The following PIEZO1 variants were observed in gnomAD, a reference collection of about 807,000 sequenced individuals.
PIEZO1 encodes the protein piezo-type mechanosensitive ion channel component 1.
PIEZO1 carries 296 observed loss-of-function variants against 297.2 expected under a neutral mutation model. The observed-to-expected ratio is 1.00, with a 90% CI of 0.91 to 1.10. The LOEUF (loss-of-function observed/expected upper bound fraction) is 1.10, where lower values mean the gene tolerates loss of function less well. Ranked by LOEUF, PIEZO1 falls within the 50% of genes least tolerant of loss-of-function variation. The pLI is 0.00. For synonymous variants in PIEZO1, 2,427 were observed against 1,507.5 expected (o/e 1.61, Z -14.13); for missense variants, 5,018 against 3,455.5 (o/e 1.45, Z -11.34).
At chr16:88,730,006 A>C (rs907033235) in intron 22 of PIEZO1, among the ~76,000 whole-genome samples, 1 of 152,272 alleles carries the variant, frequency 6.6e-6, no homozygotes, top group Admixed American at 6.5e-5. Context: ...AAGGAGGCAG[A>C]AGAAGGGGAG....
At chr16:88,732,564 C>G in intron 20 of PIEZO1, 29 bp from the exon 21 acceptor site, 1 of 1,542,878 alleles carries the variant, frequency 6.5e-7, no homozygotes, top group Non-Finnish European at 8.8e-7. Context: ...AGGGGGCAGC[C>G]GGGTACTCGC....
Position 88,716,053 on chromosome 16 carries a change from C to A in PIEZO1, c.7196G>T (p.Gly2399Val). The A allele has an allele frequency of 6.5e-7, 1 of 1,550,212 alleles. No homozygotes were observed. The highest frequency in any genetic ancestry group is 8.7e-7 in the Non-Finnish European group (1 of 1,146,892). ...CTCGATGACCCACCATTCGAGGAAG[C>A]CGGTGGCCCCCGCACCCTGCTCCCT... is the stretch of plus-strand genomic sequence containing the variant. ...LRREQGAGATGFLEWWVIELQ... is the reference protein window; with the variant it reads ...LRREQGAGATVFLEWWVIELQ... Residue 2399 changes from glycine to valine, a missense_variant, in exon 50 of 51, where the codon GGC (glycine) becomes GTC (valine). Gly to Val is a moderately radical substitution (Grantham distance 109, BLOSUM62 -3). Coordinates refer to ENST00000301015, the MANE Select transcript of PIEZO1 (RefSeq NM_001142864.4).
chr16:88,732,110 G>C lies in PIEZO1; in HGVS notation c.2992-200C>G, dbSNP rs73264800. Reference sequence around the variant, plus strand: ...CGTGCAGGGGAAACTGAGGCTCCAGGAGGTGGGCTGTACAGTAGAGCAGAT... The same window carrying C: ...CGTGCAGGGGAAACTGAGGCTCCAGCAGGTGGGCTGTACAGTAGAGCAGAT... On this transcript the variant is annotated intron_variant, in intron 21 of 50. Transcript: ENST00000301015. Among the ~76,000 whole-genome samples the C allele has an allele frequency of 0.053, 8,007 of 151,946 alleles. 692 individuals carry two copies. Among genetic ancestry groups the C allele is most frequent in the African/African-American group, 0.18 (7,541 of 41,370 alleles).
At position 88,722,616 on chromosome 16, in the gene PIEZO1, G is replaced by A. The variant is rs775013154; in HGVS notation, c.4742C>T (p.Thr1581Ile). The A allele has an allele frequency of 3.9e-6, 6 of 1,537,978 alleles. No homozygotes were observed. In the African/African-American group the frequency reaches 5.5e-5, roughly 14 times the overall value. The change falls in exon 35 of 51, where the codon ACC (threonine) becomes ATC (isoleucine). Residue 1581 changes from threonine (T) to isoleucine (I), a missense_variant. Thr to Ile is a moderately conservative substitution (Grantham distance 89). Transcript: ENST00000301015. ...SQAEATLPGPTEAPNAPSTVS... is the reference protein window; with the variant it reads ...SQAEATLPGPIEAPNAPSTVS... ...GGTGCTTGGGGCATTGGGGGCCTCG[G>A]TGGGGCCTGGCAGCGTGGCCTCGGC...
chr16:88,775,609 G>C (rs1056256029), intron 1 of PIEZO1, among the ~76,000 whole-genome samples: 1 of 151,596 alleles, frequency 6.6e-6, no homozygotes, highest in Non-Finnish European at 1.5e-5. Context: ...GGCACCTGTA[G>C]TCCTAGCTAC....
At chr16:88,731,959 A>ATGCACTGAGTCTGGGGATGGGCGGGGT in intron 21 of PIEZO1, 49 bp from the exon 22 acceptor site, 5 of 59,668 alleles carry the variant, frequency 8.4e-5, no homozygotes, top group Admixed American at 2.3e-4. Flanking sequence ...GTCTGGGGGG[A>ATGCACTGAGTCTGGGGATGGGCGGGGT]GGGACTTTCT....
rs1904286106 is a variant in PIEZO1 at position 88,722,378 on chromosome 16, G to A, written c.4795C>T (p.Pro1599Ser). Residue 1599 changes from proline to serine, a missense_variant, in exon 36 of 51, where the codon CCA becomes TCA. By Grantham distance (74) the Pro-to-Ser change is moderately conservative (BLOSUM62 -1). Coordinates refer to ENST00000301015, the MANE Select transcript of PIEZO1 (RefSeq NM_001142864.4). ...ATGTCGTCTGTCATGCTGCTGAGTG[G>A]CTCCTCCGCGCCCAGCCCACTGGGG... ...TVSSGLGAEE[P>S]LSSMTDDMGS... is the part of the protein sequence containing the mutation. The A allele has an allele frequency of 6.6e-7, 1 of 1,510,398 alleles. No homozygotes were observed. Among genetic ancestry groups the A allele is most frequent in the African/African-American group, 1.4e-5 (1 of 72,418 alleles). The allele number at this position is 1,510,398 out of a possible 1,614,324, so 93.6% of individuals were successfully genotyped here. A position where few individuals can be genotyped will look rare whatever the true frequency, so the allele number is the denominator to read the frequency against.
rs776838552 is a variant in PIEZO1, at chr16:88,738,705, G to A, written c.497C>T (p.Pro166Leu). ...TGCTGCTTCCTGCAGCCCTGCCGTC[G>A]GGCTGGCATCCACATCCCTCTCATC... ...DDDERDVDAS[P>L]TAGLQEAATL... Residue 166 changes from proline to leucine, a missense_variant, in exon 6 of 51, where the codon CCG becomes CTG. By Grantham distance (98) the Pro-to-Leu change is moderately conservative (BLOSUM62 -3). Transcript: ENST00000301015. 62 of 1,533,530 alleles carry A rather than the reference G, an allele frequency of 4.0e-5. No homozygotes were observed. The Admixed American group carries it at 8.4e-4, about 21-fold the overall frequency. 95.0% of individuals were successfully genotyped at this position (1,533,530 alleles called of 1,614,324 possible).
At chr16:88,764,358 G>A (rs35957746) in intron 1 of PIEZO1, among the ~76,000 whole-genome samples, 24,197 of 152,094 alleles carry the variant, frequency 0.16, 2,555 homozygotes, top group African/African-American at 0.29. Context: ...TCCTGAGCAG[G>A]TAGATTCTTA....
At chr16:88,746,658 C>A (rs1019765528) in intron 2 of PIEZO1, among the ~76,000 whole-genome samples, 3 of 152,214 alleles carry the variant, frequency 2.0e-5, no homozygotes, top group Admixed American at 1.3e-4. Flanking sequence ...TTTCCTCTCT[C>A]CCTCCCGGAA....
In PIEZO1 at chr16:88,721,655, G is replaced by C. The variant is rs1191735725; in HGVS notation, c.5286C>G (p.Arg1762=). 18 of 1,550,126 alleles carry C rather than the reference G, an allele frequency of 1.2e-5. No individual in the cohort carries two copies. Among genetic ancestry groups the C allele is most frequent in the Non-Finnish European group, 1.4e-5 (16 of 1,146,852 alleles). ...FPWNSHVVLR[R]YENKPYFPPR... ...GCGGGAAGTAGGGCTTGTTCTCGTAGCGCCGCAGCACCACGTGGCTGTTCC... is the reference window on the plus strand; with the variant it reads ...GCGGGAAGTAGGGCTTGTTCTCGTACCGCCGCAGCACCACGTGGCTGTTCC... The change falls in exon 38 of 51, where the codon CGC becomes CGG. Residue 1762 remains arginine, a synonymous_variant. Coordinates refer to ENST00000301015, the MANE Select transcript of PIEZO1 (RefSeq NM_001142864.4).
chr16:88,768,392 G>C (rs571415421), intron 1 of PIEZO1, among the ~76,000 whole-genome samples: 4 of 152,332 alleles, frequency 2.6e-5, no homozygotes, highest in East Asian at 3.9e-4. Flanking sequence ...TGTTCCCTGT[G>C]GGGGGTGGGG....
At chr16:88,759,621 C>A (rs1017085546) in intron 1 of PIEZO1, among the ~76,000 whole-genome samples, 9 of 152,328 alleles carry the variant, frequency 5.9e-5, no homozygotes, top group African/African-American at 2.2e-4. Flanking sequence ...TGCAAGGGAG[C>A]CTGCTGGGCC....
intron 1 of PIEZO1, among the ~76,000 whole-genome samples, chr16:88,768,374 G>C (rs976862111): frequency 3.9e-5 from 6 of 152,238 alleles, no homozygotes; most frequent in Non-Finnish European, 7.3e-5. Flanking sequence ...TAAGAGCAGA[G>C]AGTGGATTGT....
chr16:88,722,912 C>G lies in PIEZO1; in HGVS notation c.4593G>C (p.Glu1531Asp). Reference protein sequence around the residue: ...LVDELTRWLQEFTRHHGTMSD... With the variant: ...LVDELTRWLQDFTRHHGTMSD... ...TCATGGTGCCGTGGTGCCGGGTGAACTCCTGCAGCCAGCGTGTCAGCTCAT... is the reference window on the plus strand; with the variant it reads ...TCATGGTGCCGTGGTGCCGGGTGAAGTCCTGCAGCCAGCGTGTCAGCTCAT... The change falls in exon 34 of 51, where the codon GAG becomes GAC. Residue 1531 changes from glutamate (E) to aspartate (D), a missense_variant. By Grantham distance (45) the Glu-to-Asp change is conservative (BLOSUM62 2). Coordinates refer to ENST00000301015, the MANE Select transcript of PIEZO1 (RefSeq NM_001142864.4). 6.5e-7 allele frequency: 1 copy of G among 1,549,398 alleles called. No homozygotes were observed.
intron 2 of PIEZO1, chr16:88,743,526 C>T (rs958027768): frequency 2.0e-5 from 9 of 456,268 alleles, no homozygotes; most frequent in Non-Finnish European, 4.0e-5. Context: ...TGGTGAATGT[C>T]ACCACCACAT....
At position 88,719,584 on chromosome 16, in the gene PIEZO1, T is replaced by C. The variant is rs1912280743; in HGVS notation, c.6461A>G (p.Glu2154Gly). The part of the protein sequence containing the change: ...ANIFIIKCSR[E>G]TEKKYPQPKG... The stretch of plus-strand genomic sequence containing the variant: ...CCTGGGCCCAGGCACCTTCTCTGTC[T>C]CTCGGCTGCATTTGATGATGAAGAT... The change falls in exon 44 of 51, where the codon GAG becomes GGG. Residue 2154 changes from glutamate (E) to glycine (G), a missense_variant. Coordinates refer to ENST00000301015, the MANE Select transcript of PIEZO1 (RefSeq NM_001142864.4). 1.3e-6 allele frequency: 2 copies of C among 1,550,748 alleles called. No homozygotes were observed.
At chr16:88,774,983 A>G (rs922124383) in intron 1 of PIEZO1, among the ~76,000 whole-genome samples, 4 of 152,204 alleles carry the variant, frequency 2.6e-5, no homozygotes, top group African/African-American at 9.7e-5. Flanking sequence ...CGGTGCTGGG[A>G]GGCAGGCTCA....
At chr16:88,746,037 A>T (rs1906035877) in intron 2 of PIEZO1, among the ~76,000 whole-genome samples, 1 of 151,846 alleles carries the variant, frequency 6.6e-6, no homozygotes, top group South Asian at 2.1e-4. Context: ...CCTGAGTCTG[A>T]TCCGTGGGGT....
Sources: gnomAD v4.1 joint callset for allele counts (sites outside exome capture counted in the v4.1 genomes callset) on GRCh38, gnomAD v4.1.1 for gene constraint, MANE v1.5 for transcripts, NCBI Gene and HGNC (gene_info 2026-07-23, HGNC 2026-07-21) for gene names.